The following PCDHA4 variants were observed in gnomAD, a reference collection of about 807,000 sequenced individuals.
The protein encoded by PCDHA4 is protocadherin alpha-4.
Under a neutral mutation model 61.4 loss-of-function variants are expected in PCDHA4, and 49 were observed. The ratio of observed to expected loss-of-function variants is 0.80; its 90% CI spans 0.63 to 1.01. The LOEUF (loss-of-function observed/expected upper bound fraction) is 1.01. PCDHA4 is among the 50% of genes least tolerant of loss of function. The probability of loss-of-function intolerance (pLI) is 0.00; values close to 1 mark genes in which losing one functional copy is unlikely to be tolerated. For missense variants in PCDHA4, 1,254 were observed against 1,235.8 expected (o/e 1.01, Z -0.22); for synonymous variants, 590 against 550.3 (o/e 1.07, Z -1.01).
chr5:140,807,284 T>C lies in PCDHA4; in HGVS notation c.97T>C (p.Tyr33His). Residue 33 changes from tyrosine to histidine, a missense_variant, in exon 1 of 4, where the codon TAC (tyrosine) becomes CAC (histidine). Physicochemically the swap from Tyr to His is moderately conservative, Grantham distance 83. Coordinates refer to ENST00000530339, the MANE Select transcript of PCDHA4 (RefSeq NM_018907.4). The part of the protein sequence containing the change: ...AWEAGNGQLH[Y>H]SVSEEAKHGT... The stretch of plus-strand genomic sequence containing the variant: ...GGAGGCAGGGAACGGTCAGCTCCAC[T>C]ACTCGGTCTCCGAGGAGGCCAAACA... The C allele has an allele frequency of 6.2e-7, 1 of 1,614,248 alleles. No homozygotes were observed. Among genetic ancestry groups the C allele is most frequent in the Non-Finnish European group, 8.5e-7 (1 of 1,180,046 alleles).
intron 1 of PCDHA4, chr5:140,869,869 G>T: frequency 6.2e-7 from 1 of 1,610,244 alleles, no homozygotes; most frequent in Non-Finnish European, 8.5e-7. Flanking sequence ...GGAAAATGCT[G>T]CTAAAGAAAC....
intron 1 of PCDHA4, among the ~76,000 whole-genome samples, chr5:140,958,679 A>G (rs1317780380): frequency 6.6e-6 from 1 of 152,200 alleles, no homozygotes; most frequent in Non-Finnish European, 1.5e-5. Context: ...ATTATAAAGG[A>G]TATTGAATAT....
rs2150126889 is a variant in PCDHA4, at chr5:140,823,558, G to T, written c.2385+13986G>T. 6.2e-5 allele frequency: 100 copies of T among 1,613,898 alleles called. No individual in the cohort carries two copies. In the East Asian group the frequency reaches 1.9e-3, roughly 30 times the overall value. On this transcript the variant is annotated intron_variant, in intron 1 of 3. Transcript: ENST00000530339. ...GGGCCACGTGGTGGCGAAGGTGCGCGCAGTGGACCCTGATTCGGGCTACAA... is the reference window on the plus strand; with the variant it reads ...GGGCCACGTGGTGGCGAAGGTGCGCTCAGTGGACCCTGATTCGGGCTACAA...
intron 1 of PCDHA4, chr5:140,854,422 A>G (rs1322655400): frequency 1.3e-5 from 2 of 151,676 alleles, no homozygotes; most frequent in African/African-American, 4.9e-5. Flanking sequence ...AATCTCTAAA[A>G]TCAGAATTTG....
intron 1 of PCDHA4, among the ~76,000 whole-genome samples, chr5:140,949,015 T>A (rs1004348581): frequency 7.9e-5 from 12 of 151,734 alleles, no homozygotes; most frequent in Non-Finnish European, 1.2e-4. Context: ...ATATGTGATG[T>A]TTTTATTTTT....
At position 140,841,479 on chromosome 5, in the gene PCDHA4, G is replaced by A. The variant is rs2150316299; in HGVS notation, c.2385+31907G>A. On this transcript the variant is annotated intron_variant, in intron 1 of 3. Transcript: ENST00000530339. The stretch of plus-strand genomic sequence containing the variant: ...GTGGGCCGGATCGCGCAGGACCTGG[G>A]GCTGGAGCTGGCGGAGCTGGTGCCG... The A allele has an allele frequency of 3.6e-4, 573 of 1,613,084 alleles. 4 individuals are homozygous for A. In the Admixed American group the frequency reaches 9.2e-3, roughly 26 times the overall value.
At position 140,856,180 on chromosome 5, in the gene PCDHA4, G is replaced by C; in HGVS notation, c.2385+46608G>C. ...AGGAGGCCAGACACGGCACCTTCGT[G>C]GGCCGCATCGCGCAGGACCTGGGGC... On this transcript the variant is annotated intron_variant, in intron 1 of 3. Coordinates refer to ENST00000530339, the MANE Select transcript of PCDHA4 (RefSeq NM_018907.4). The C allele has an allele frequency of 3.1e-6, 5 of 1,598,262 alleles. 1 individual carries two copies. Among genetic ancestry groups the C allele is most frequent in the Non-Finnish European group, 4.3e-6 (5 of 1,167,898 alleles).
At chr5:140,992,862 G>A (rs2097531583) in intron 3 of PCDHA4, among the ~76,000 whole-genome samples, 2 of 152,084 alleles carry the variant, frequency 1.3e-5, no homozygotes, top group Non-Finnish European at 2.9e-5. Context: ...TTTCACTCTA[G>A]CTCCCTCCTT....
chr5:140,857,445 A>G lies in PCDHA4; in HGVS notation c.2385+47873A>G, dbSNP rs144782261. The G allele has an allele frequency of 8.5e-5, 136 of 1,598,262 alleles. 10 individuals carry two copies. Among genetic ancestry groups the G allele is most frequent in the Non-Finnish European group, 1.1e-4 (128 of 1,167,832 alleles). ...GAGTACACGGTGTTCGTGAAGGAGA[A>G]CAACCCGCCAGGCTGCCACATCTTC... On this transcript the variant is annotated intron_variant, in intron 1 of 3. Transcript: ENST00000530339.
At chr5:140,876,894 C>G in intron 1 of PCDHA4, 2 of 1,614,132 alleles carry the variant, frequency 1.2e-6, no homozygotes, top group Non-Finnish European at 1.7e-6. Context: ...GCTGCCACAT[C>G]TTCACGGTGT....
intron 1 of PCDHA4, chr5:140,856,972 C>T: frequency 6.3e-7 from 1 of 1,594,490 alleles, no homozygotes; most frequent in Non-Finnish European, 8.6e-7. Context: ...ATGCTATTGA[C>T]TTTGAGGACA....
intron 3 of PCDHA4, among the ~76,000 whole-genome samples, chr5:141,003,593 G>A (rs1291518572): frequency 6.6e-6 from 1 of 152,140 alleles, no homozygotes; most frequent in African/African-American, 2.4e-5. Flanking sequence ...GATTTTAGAT[G>A]TGAGCCACCA....
intron 1 of PCDHA4, among the ~76,000 whole-genome samples, chr5:140,954,720 T>C (rs1255262640): frequency 1.3e-5 from 2 of 152,168 alleles, no homozygotes; most frequent in African/African-American, 4.8e-5. Context: ...ATTCTGTAGG[T>C]TGTCTTTTCA....
rs782219196 is a variant in PCDHA4 at position 140,808,940 on chromosome 5, G to A, written c.1753G>A (p.Val585Met). The stretch of plus-strand genomic sequence containing the variant: ...AGTGAGCGAGCTGGTGCCATGGTCG[G>A]TGGGTGTGGGCCACGTGGTGGCAAA... Reference protein sequence around the residue: ...GAVSELVPWSVGVGHVVAKVR... With the variant: ...GAVSELVPWSMGVGHVVAKVR... Residue 585 changes from valine (V) to methionine (M), a missense_variant, in exon 1 of 4, where the codon GTG becomes ATG. Coordinates refer to ENST00000530339, the MANE Select transcript of PCDHA4 (RefSeq NM_018907.4). The A allele has an allele frequency of 2.8e-5, 45 of 1,613,628 alleles. No homozygotes were observed. In the South Asian group the frequency reaches 4.8e-4, roughly 17 times the overall value.
In PCDHA4 at chr5:140,929,209, G is replaced by A. The variant is rs553616030; in HGVS notation, c.2386-49740G>A. Reference sequence around the variant, plus strand: ...TGATAATAACAGTTTGCTGTTGCGTGGGGAGTACAATGCTGCCGACCTGCG... The same window carrying A: ...TGATAATAACAGTTTGCTGTTGCGTAGGGAGTACAATGCTGCCGACCTGCG... On this transcript the variant is annotated intron_variant, in intron 1 of 3. Transcript: ENST00000530339. 71 of 1,614,054 alleles carry A rather than the reference G, an allele frequency of 4.4e-5. 2 individuals carry two copies. The South Asian group carries it at 7.1e-4, about 16-fold the overall frequency.
chr5:140,901,249 C>T (rs1554189685), intron 1 of PCDHA4, among the ~76,000 whole-genome samples: 1 of 151,994 alleles, frequency 6.6e-6, no homozygotes, highest in Admixed American at 6.6e-5. Flanking sequence ...TCCTTTGGTT[C>T]CCTGTGATTG....
chr5:140,966,318 C>A, intron 1 of PCDHA4: 1 of 389,680 alleles, frequency 2.6e-6, no homozygotes, highest in African/African-American at 2.1e-5. Context: ...TCCTGCGGTC[C>A]GCTGGGATCC....
chr5:140,969,348 G>A, intron 1 of PCDHA4: 5 of 1,613,304 alleles, frequency 3.1e-6, no homozygotes, highest in Non-Finnish European at 4.2e-6. Flanking sequence ...CAGTGGTCAG[G>A]GGGTCTTCTA....
At chr5:140,858,548 T>A in intron 1 of PCDHA4, 1 of 1,394,090 alleles carries the variant, frequency 7.2e-7, no homozygotes, top group African/African-American at 1.4e-5. Flanking sequence ...ATTCCATTTA[T>A]GCTTGAATAT....
Sources: gnomAD v4.1 joint callset for allele counts (sites outside exome capture counted in the v4.1 genomes callset) on GRCh38, gnomAD v4.1.1 for gene constraint, MANE v1.5 for transcripts, NCBI Gene and HGNC (gene_info 2026-07-23, HGNC 2026-07-21) for gene names.